BLTP1: variants seen among roughly 807,000 people sequenced by gnomAD.
BLTP1 encodes bridge-like lipid transfer protein family member 1, also known as fragile site-associated protein.
At chr4:122,157,539 T>G in the BLTP1 span, among the ~76,000 whole-genome samples, 1 of 152,102 alleles carries the variant, frequency 6.6e-6, no homozygotes, top group East Asian at 1.9e-4. Flanking sequence ...GGGTTTGTGC[T>G]CCTATGAGAA....
the BLTP1 span, chr4:122,183,064 A>C: frequency 1.0e-6 from 1 of 975,502 alleles, no homozygotes; most frequent in Non-Finnish European, 1.2e-6. Context: ...GGTTGGTTGC[A>C]GTAGCTCACA....
chr4:122,243,185 C>A, the BLTP1 span: 1 of 1,080,436 alleles, frequency 9.3e-7, no homozygotes, highest in Non-Finnish European at 1.3e-6. Context: ...GAATAAATTA[C>A]CAAAATAATT....
chr4:122,307,498 G>C, the BLTP1 span: 1 of 985,112 alleles, frequency 1.0e-6, no homozygotes, highest in African/African-American at 1.7e-5. Context: ...GTTTGTTTCT[G>C]TTTAACAAAC....
chr4:122,155,301 T>TTAA, the BLTP1 span, among the ~76,000 whole-genome samples: 1 of 152,024 alleles, frequency 6.6e-6, no homozygotes, highest in Non-Finnish European at 1.5e-5. Flanking sequence ...GAATGCTGCA[T>TTAA]TAATGTACAG....
the BLTP1 span, among the ~76,000 whole-genome samples, chr4:122,157,778 C>T: frequency 6.0e-4 from 91 of 152,208 alleles, no homozygotes; most frequent in South Asian, 0.018. Flanking sequence ...GTCATAGTCA[C>T]GTAAAAATTC....
chr4:122,172,937 T>C, the BLTP1 span: 1 of 1,579,080 alleles, frequency 6.3e-7, no homozygotes, highest in African/African-American at 1.4e-5. Context: ...TAAAGTATAA[T>C]CAACCTCTGG....
chr4:122,239,797 A>C, the BLTP1 span: 1 of 1,613,982 alleles, frequency 6.2e-7, no homozygotes, highest in Non-Finnish European at 8.5e-7. Context: ...CCATCAGCAG[A>C]CTCTAATTCA....
chr4:122,331,165 A>AT, the BLTP1 span: 1 of 930,938 alleles, frequency 1.1e-6, no homozygotes, highest in Non-Finnish European at 1.3e-6. Flanking sequence ...TTCAGTACAT[A>AT]GTAGCTGAAT....
At chr4:122,224,759 T>A in the BLTP1 span, 1 of 1,606,568 alleles carries the variant, frequency 6.2e-7, no homozygotes, top group South Asian at 1.1e-5. Context: ...CTTGTATGCC[T>A]GTTTGAATGT....
At chr4:122,238,303 TCAAAAAGAGTTCTTGCATGGGA>T in the BLTP1 span, 1 of 1,614,094 alleles carries the variant, frequency 6.2e-7, no homozygotes, top group Non-Finnish European at 8.5e-7. Flanking sequence ...ACCATTTGGT[TCAAAAAGAGTTCTTGCATGGGA>T]CAAAAAGAGA....
the BLTP1 span, chr4:122,208,004 A>G: frequency 1.0e-6 from 1 of 985,162 alleles, no homozygotes; most frequent in Non-Finnish European, 1.2e-6. Flanking sequence ...AGGAGTAACC[A>G]CAGTAGCTTT....
At chr4:122,316,945 G>T in the BLTP1 span, 1 of 953,444 alleles carries the variant, frequency 1.0e-6, no homozygotes, top group Non-Finnish European at 1.5e-6. Context: ...AACTGTATTT[G>T]GTCTAATACA....
chr4:122,244,293 C>T, the BLTP1 span, among the ~76,000 whole-genome samples: 1 of 151,988 alleles, frequency 6.6e-6, no homozygotes, highest in Admixed American at 6.6e-5. Flanking sequence ...CTATTGGTTC[C>T]AGAACACCTG....
the BLTP1 span, chr4:122,292,364 A>G: frequency 2.3e-6 from 2 of 862,144 alleles, no homozygotes; most frequent in South Asian, 5.4e-5. Context: ...GAAAAATTAG[A>G]CAGATGTGAA....
chr4:122,174,262 A>G, the BLTP1 span: 1 of 984,814 alleles, frequency 1.0e-6, no homozygotes. Flanking sequence ...AAAAATGGTG[A>G]ATTAGTCACT....
the BLTP1 span, chr4:122,301,307 G>A: frequency 1.3e-6 from 2 of 1,588,844 alleles, no homozygotes; most frequent in Non-Finnish European, 1.7e-6. Flanking sequence ...TAGGTGGGGA[G>A]CAGCCTATTC....
chr4:122,263,608 G>T, the BLTP1 span: 2 of 1,562,460 alleles, frequency 1.3e-6, no homozygotes, highest in South Asian at 2.3e-5. Context: ...CAGGTATTGA[G>T]TTATCACATT....
chr4:122,300,638 T>G, the BLTP1 span, among the ~76,000 whole-genome samples: 4 of 152,168 alleles, frequency 2.6e-5, no homozygotes, highest in African/African-American at 9.7e-5. Flanking sequence ...TAATTTCTCC[T>G]TCAAAACAAA....
the BLTP1 span, chr4:122,259,808 T>C: frequency 2.2e-5 from 6 of 271,900 alleles, no homozygotes; most frequent in Non-Finnish European, 3.4e-5. Flanking sequence ...GCAGTGAGCC[T>C]AGATCCTGCC....
Sources: gnomAD v4.1 joint callset for allele counts (sites outside exome capture counted in the v4.1 genomes callset) on GRCh38, gnomAD v4.1.1 for gene constraint, MANE v1.5 for transcripts, NCBI Gene and HGNC (gene_info 2026-07-23, HGNC 2026-07-21) for gene names.